The following ADD3 variants were observed in gnomAD, a reference collection of about 807,000 sequenced individuals.
The protein encoded by ADD3 is adducin 3, also known as gamma-adducin.
ADD3 carries 25 observed loss-of-function variants against 80.2 expected under a neutral mutation model. The observed-to-expected ratio is 0.31, with a 90% confidence interval of 0.23 to 0.44. ADD3 has a LOEUF of 0.44. Among genes scored for constraint, ADD3 ranks in the 20% least tolerant of loss-of-function variants. The probability of loss-of-function intolerance (pLI) is 1.00; values close to 1 mark genes in which losing one functional copy is unlikely to be tolerated. For synonymous variants in ADD3, 284 were observed against 289.6 expected (o/e 0.98, Z 0.20); for missense variants, 829 against 847.5 (o/e 0.98, Z 0.27).
At chr10:110,014,190 T>C (rs576985731) in intron 1 of ADD3, among the ~76,000 whole-genome samples, 1 of 152,320 alleles carries the variant, frequency 6.6e-6, no homozygotes, top group Admixed American at 6.5e-5. Context: ...ACTCCACTTT[T>C]ACGCCCTAGG....
At chr10:110,098,671 C>T (rs1417282217) in intron 1 of ADD3, among the ~76,000 whole-genome samples, 1 of 151,708 alleles carries the variant, frequency 6.6e-6, no homozygotes, top group Non-Finnish European at 1.5e-5. Context: ...ACTCTGTTGC[C>T]CAGGCTGCAG....
At chr10:110,075,358 A>C (rs935530957) in intron 1 of ADD3, among the ~76,000 whole-genome samples, 1 of 151,796 alleles carries the variant, frequency 6.6e-6, no homozygotes, top group Non-Finnish European at 1.5e-5. Flanking sequence ...TTTTAAAGCT[A>C]TGAAATAATA....
chr10:110,002,047 C>T (rs112865597), upstream of ADD3, among the ~76,000 whole-genome samples: 1,884 of 152,172 alleles, frequency 0.012, 19 homozygotes, highest in Middle Eastern at 0.027. Context: ...AATCCCAGCA[C>T]TTTGGGAGGC....
At chr10:110,015,182 C>A (rs980304659) in intron 1 of ADD3, among the ~76,000 whole-genome samples, 1 of 152,054 alleles carries the variant, frequency 6.6e-6, no homozygotes. Context: ...TTTTCTTTCT[C>A]CACAACTGTC....
At chr10:110,026,202 T>A (rs1854276071) in intron 1 of ADD3, among the ~76,000 whole-genome samples, 1 of 152,126 alleles carries the variant, frequency 6.6e-6, no homozygotes, top group African/African-American at 2.4e-5. Flanking sequence ...TGAGAAACAG[T>A]TCCACCCCTC....
At chr10:110,021,428 A>G (rs1853657581) in intron 1 of ADD3, among the ~76,000 whole-genome samples, 1 of 152,250 alleles carries the variant, frequency 6.6e-6, no homozygotes, top group African/African-American at 2.4e-5. Flanking sequence ...GACCATAGCA[A>G]CATTATTCAT....
In ADD3 at chr10:110,117,360, C is replaced by A. The variant is rs1384248301; in HGVS notation, c.505C>A (p.Gln169Lys). 2 of 1,600,802 alleles carry A rather than the reference C, an allele frequency of 1.2e-6. No individual in the cohort carries two copies. Among genetic ancestry groups the A allele is most frequent in the East Asian group, 4.5e-5 (2 of 44,698 alleles). Reference sequence around the variant, plus strand: ...TTTCCAGGTAAGAATAAGTAAGGAGCAAGACCACATTATAATAATTCCCAG... The same window carrying A: ...TTTCCAGGTAAGAATAAGTAAGGAGAAAGACCACATTATAATAATTCCCAG... ...TYISVRISKE[Q>K]DHIIIIPRGL... Residue 169 changes from glutamine (Q) to lysine (K), a missense_variant, in exon 5 of 15, where the codon CAA (glutamine) becomes AAA (lysine). Gln to Lys is a moderately conservative substitution (Grantham distance 53). Transcript: ENST00000356080.
intron 1 of ADD3, among the ~76,000 whole-genome samples, chr10:110,079,449 AGAGAGAGAGAGAGTGTGTGTGTGT>A (rs890626549): frequency 1.5e-5 from 2 of 132,392 alleles, no homozygotes; most frequent in African/African-American, 6.6e-5. Context: ...AGAGAGAGAG[AGAGAGAGAGAGAGTGTGTGTGTGT>A]GTGTGTGTGT....
chr10:110,106,008 G>T (rs1325869450), intron 2 of ADD3: 1 of 152,122 alleles, frequency 6.6e-6, no homozygotes, highest in Non-Finnish European at 1.5e-5. Flanking sequence ...AGGGCCAGTG[G>T]TATTCTATTT....
chr10:110,027,120 A>T (rs1854408234), intron 1 of ADD3, among the ~76,000 whole-genome samples: 1 of 152,218 alleles, frequency 6.6e-6, no homozygotes, highest in South Asian at 2.1e-4. Context: ...GGCTTTTAAG[A>T]TGGGGGAATG....
intron 1 of ADD3, among the ~76,000 whole-genome samples, chr10:110,019,360 T>C (rs920194061): frequency 6.6e-6 from 1 of 150,844 alleles, no homozygotes; most frequent in Non-Finnish European, 1.5e-5. Flanking sequence ...CTGTTTGCTT[T>C]TTTTTTTTTT....
At chr10:110,006,041 A>G, upstream of ADD3, 1 of 228,266 alleles carries the variant, frequency 4.4e-6, no homozygotes, top group Non-Finnish European at 8.9e-6. Flanking sequence ...TGTTGGTCTG[A>G]GGCTGCAGTA....
intron 2 of ADD3, among the ~76,000 whole-genome samples, chr10:110,104,879 A>C (rs1420657959): frequency 6.6e-6 from 1 of 152,212 alleles, no homozygotes; most frequent in African/African-American, 2.4e-5. Context: ...ATGTGGTCAG[A>C]ATTTAAACTG....
At chr10:110,048,276 T>C (rs1256262072) in intron 1 of ADD3, among the ~76,000 whole-genome samples, 1 of 152,348 alleles carries the variant, frequency 6.6e-6, no homozygotes, top group East Asian at 1.9e-4. Context: ...TTTTTCTTTA[T>C]GAACTATCCA....
At chr10:110,048,113 G>C (rs2133364319) in intron 1 of ADD3, among the ~76,000 whole-genome samples, 1 of 152,260 alleles carries the variant, frequency 6.6e-6, no homozygotes, top group East Asian at 1.9e-4. Flanking sequence ...TTGTCCTTAA[G>C]TCTCACGAGA....
chr10:110,016,225 G>A (rs556830700), intron 1 of ADD3, among the ~76,000 whole-genome samples: 2 of 152,298 alleles, frequency 1.3e-5, no homozygotes, highest in South Asian at 2.1e-4. Flanking sequence ...ATCAAGTTGA[G>A]CAGCTCCTGT....
chr10:110,067,352 C>T, intron 1 of ADD3, among the ~76,000 whole-genome samples: 1 of 152,176 alleles, frequency 6.6e-6, no homozygotes, highest in East Asian at 1.9e-4. Context: ...TATGTTATTA[C>T]TTCTCATTTG....
At chr10:110,102,803 C>T (rs893990554) in intron 2 of ADD3, among the ~76,000 whole-genome samples, 1 of 152,154 alleles carries the variant, frequency 6.6e-6, no homozygotes, top group East Asian at 1.9e-4. Flanking sequence ...CATTTTTATG[C>T]CAGGGTTTTT....
chr10:110,124,381 A>ATT, intron 10 of ADD3, 107 bp downstream of exon 10: 1 of 1,292,236 alleles, frequency 7.7e-7, no homozygotes, highest in Non-Finnish European at 1.1e-6. Flanking sequence ...TAATATTAAA[A>ATT]ATATTACTGT....
Sources: gnomAD v4.1 joint callset for allele counts (sites outside exome capture counted in the v4.1 genomes callset) on GRCh38, gnomAD v4.1.1 for gene constraint, MANE v1.5 for transcripts, NCBI Gene and HGNC (gene_info 2026-07-23, HGNC 2026-07-21) for gene names.